The following TLN2 variants were observed in gnomAD, a reference collection of about 807,000 sequenced individuals.
TLN2 encodes talin 2.
TLN2 carries 118 observed loss-of-function variants against 294.7 expected under a neutral mutation model. That is an observed-to-expected ratio of 0.40 (90% CI 0.34 to 0.47). TLN2 has a LOEUF of 0.47. Among genes scored for constraint, TLN2 ranks in the 20% least tolerant of loss-of-function variants. TLN2 has a pLI of 0.84. For missense variants in TLN2, 3,083 were observed against 3,282.2 expected (o/e 0.94, Z 1.48); for synonymous variants, 1,431 against 1,304.5 (o/e 1.10, Z -2.09).
At chr15:62,810,136 G>A in intron 52 of TLN2, 104 bp downstream of exon 52, 1 of 911,016 alleles carries the variant, frequency 1.1e-6, no homozygotes, top group Non-Finnish European at 1.8e-6. Flanking sequence ...TCAGAGCCCT[G>A]TCCATTGCCA....
At chr15:62,749,842 T>G (rs2061825946) in intron 33 of TLN2, among the ~76,000 whole-genome samples, 1 of 152,234 alleles carries the variant, frequency 6.6e-6, no homozygotes, top group Admixed American at 6.5e-5. Context: ...CCCATGTATT[T>G]CTTTGATGAG....
At chr15:62,644,645 C>T (rs1238655095) in intron 3 of TLN2, 13 of 455,152 alleles carry the variant, frequency 2.9e-5, no homozygotes, top group Non-Finnish European at 4.9e-5. Flanking sequence ...TTGCGGACCC[C>T]GCAGCCCCAG....
intron 9 of TLN2, among the ~76,000 whole-genome samples, chr15:62,665,565 C>T (rs749678737): frequency 6.6e-6 from 1 of 152,160 alleles, no homozygotes; most frequent in African/African-American, 2.4e-5. Context: ...GGAAACCTCC[C>T]TCATCCTTGA....
intron 1 of TLN2, among the ~76,000 whole-genome samples, chr15:62,478,820 T>G (rs1026908342): frequency 2.6e-5 from 4 of 152,224 alleles, no homozygotes; most frequent in Non-Finnish European, 5.9e-5. Flanking sequence ...GTGTCTTAGG[T>G]GTTTTAAATT....
chr15:62,736,315 CAAA>C (rs61124774), intron 28 of TLN2, among the ~76,000 whole-genome samples: 2 of 74,986 alleles, frequency 2.7e-5, no homozygotes, highest in Middle Eastern at 9.6e-3. Context: ...GACTCTGTCT[CAAA>C]AAAAAAAAAA....
At chr15:62,523,975 A>C (rs1330997445) in intron 1 of TLN2, among the ~76,000 whole-genome samples, 1 of 152,216 alleles carries the variant, frequency 6.6e-6, no homozygotes, top group South Asian at 2.1e-4. Context: ...CAATCTGAGC[A>C]AAGCAAATTT....
Position 62,719,657 on chromosome 15 carries a change from C to T in TLN2, c.2878-110C>T, listed in dbSNP as rs1003741164. ...TCTATCCAAGGTCTGGGGCTGGCGT[C>T]CCCTGGGAGTAGATGGCACATCCAA... On this transcript the variant is annotated intron_variant, in intron 24 of 58. Transcript: ENST00000636159. The T allele has an allele frequency of 2.7e-5, 21 of 791,718 alleles. No individual in the cohort carries two copies. In the African/African-American group the frequency reaches 3.4e-4, roughly 13 times the overall value. 49.0% of individuals were successfully genotyped at this position (791,718 alleles called of 1,614,324 possible).
chr15:62,790,719 T>G (rs1205886989), intron 45 of TLN2, among the ~76,000 whole-genome samples: 6 of 152,260 alleles, frequency 3.9e-5, no homozygotes, highest in African/African-American at 1.4e-4. Flanking sequence ...AGAGCCAGAT[T>G]GTTTGAAACT....
At chr15:62,550,624 A>G (rs2042240844) in intron 1 of TLN2, among the ~76,000 whole-genome samples, 4 of 152,200 alleles carry the variant, frequency 2.6e-5, no homozygotes. Context: ...GCATTTATGC[A>G]GTAAGGATAT....
chr15:62,477,114 A>G (rs1265519552), intron 1 of TLN2, among the ~76,000 whole-genome samples: 1 of 152,226 alleles, frequency 6.6e-6, no homozygotes, highest in African/African-American at 2.4e-5. Flanking sequence ...ATCCATGAAG[A>G]AAGACGAGAT....
chr15:62,648,682 G>C (rs535132998), intron 4 of TLN2, among the ~76,000 whole-genome samples: 9 of 151,542 alleles, frequency 5.9e-5, no homozygotes, highest in African/African-American at 2.2e-4. Context: ...CAAGTAGCTG[G>C]GATTACAGGT....
intron 9 of TLN2, among the ~76,000 whole-genome samples, chr15:62,660,379 A>G (rs190661481): frequency 1.1e-4 from 16 of 152,308 alleles, no homozygotes; most frequent in Admixed American, 9.8e-4. Context: ...ATGATTTAAT[A>G]TATCCATCTA....
At chr15:62,789,129 G>A (rs1351534230) in intron 45 of TLN2, among the ~76,000 whole-genome samples, 1 of 152,168 alleles carries the variant, frequency 6.6e-6, no homozygotes, top group Non-Finnish European at 1.5e-5. Flanking sequence ...GTTTCAGCTT[G>A]TCCTTGATAA....
intron 45 of TLN2, among the ~76,000 whole-genome samples, chr15:62,785,667 G>GAA (rs1491343139): frequency 4.0e-4 from 58 of 144,586 alleles, no homozygotes; most frequent in African/African-American, 1.4e-3. Flanking sequence ...AAAAAAAAAA[G>GAA]GGGAAGAAGT....
chr15:62,517,338 A>T (rs1030558558), intron 1 of TLN2, among the ~76,000 whole-genome samples: 2 of 152,138 alleles, frequency 1.3e-5, no homozygotes, highest in Non-Finnish European at 2.9e-5. Context: ...AGGTTCACAC[A>T]TTTGTTGTAC....
intron 11 of TLN2, among the ~76,000 whole-genome samples, chr15:62,684,529 A>C (rs567353080): frequency 6.6e-6 from 1 of 152,294 alleles, no homozygotes; most frequent in Non-Finnish European, 1.5e-5. Flanking sequence ...TCCCCTCCTC[A>C]GACACCCAGG....
At chr15:62,677,446 T>C (rs2056340369) in intron 11 of TLN2, among the ~76,000 whole-genome samples, 1 of 152,214 alleles carries the variant, frequency 6.6e-6, no homozygotes, top group African/African-American at 2.4e-5. Flanking sequence ...ATAAAGAACA[T>C]ACAGAAATCT....
At chr15:62,768,279 A>C (rs78979991) in intron 41 of TLN2, among the ~76,000 whole-genome samples, 3 of 486 alleles carry the variant, frequency 6.2e-3, no homozygotes, top group African/African-American at 0.013. Context: ...TGTGCAGTCT[A>C]CAGAGACTGT....
rs1166669261 is a variant in TLN2 at position 62,606,336 on chromosome 15, C to T, written c.-161-12015C>T. 2.0e-5 allele frequency among the ~76,000 whole-genome samples: 3 copies of T among 151,874 alleles called. No homozygotes were observed. In the East Asian group the frequency reaches 5.8e-4, roughly 29 times the overall value. On this transcript the variant is annotated intron_variant, in intron 2 of 58. Coordinates refer to ENST00000636159, the MANE Select transcript of TLN2 (RefSeq NM_015059.3). ...GAATTCCTGACCTCAGGCGATCCAC[C>T]CACCTCAGCCTCCCAAAGCGCTGGG...
Sources: gnomAD v4.1 joint callset for allele counts (sites outside exome capture counted in the v4.1 genomes callset) on GRCh38, gnomAD v4.1.1 for gene constraint, MANE v1.5 for transcripts, NCBI Gene and HGNC (gene_info 2026-07-23, HGNC 2026-07-21) for gene names.